Variants in SP7 observed in about 807,000 individuals in gnomAD.
SP7 encodes Sp7 transcription factor.
In SP7, 13 loss-of-function variants were observed where a neutral mutation model predicts 27.9. The observed-to-expected ratio is 0.47, with a 90% CI of 0.30 to 0.74. The LOEUF is 0.74. Ranked by LOEUF, SP7 falls within the 30% of genes least tolerant of loss-of-function variation. The pLI is 0.06. For synonymous variants in SP7, 219 were observed against 226.7 expected (o/e 0.97, Z 0.31); for missense variants, 525 against 558.0 (o/e 0.94, Z 0.60).
At chr12:53,338,788 C>T (rs1420904376), upstream of SP7, among the ~76,000 whole-genome samples, 1 of 152,220 alleles carries the variant, frequency 6.6e-6, no homozygotes, top group Non-Finnish European at 1.5e-5. Context: ...GCCTCTTCCC[C>T]ACCAGAGATC....
chr12:53,332,500 C>G (rs1944716485), intron 2 of SP7, among the ~76,000 whole-genome samples: 1 of 152,042 alleles, frequency 6.6e-6, no homozygotes, highest in African/African-American at 2.4e-5. Flanking sequence ...CTCACTTGAG[C>G]TAAGTAGTTA....
rs756868524 is a variant in SP7 at position 53,335,607 on chromosome 12, G to T, written c.21+19C>A. On this transcript the variant is annotated intron_variant, in intron 2 of 2. Coordinates refer to ENST00000536324, the MANE Select transcript of SP7 (RefSeq NM_001173467.3). ...TTAAGGTTGTGGCTGGTTTCCTGGG[G>T]GGAAGAGGGGACAGTTACCTCAAGC... The T allele has an allele frequency of 5.5e-5, 76 of 1,386,362 alleles. No homozygotes were observed. The highest frequency in any genetic ancestry group is 7.5e-5 in the Non-Finnish European group (75 of 995,858). 85.9% of individuals were successfully genotyped at this position (1,386,362 alleles called of 1,614,324 possible). A position where few individuals can be genotyped will look rare whatever the true frequency, so the allele number is the denominator to read the frequency against.
Position 53,328,210 on chromosome 12 carries a change from G to A in SP7, c.1232C>T (p.Ser411Leu), listed in dbSNP as rs775812903. Residue 411 changes from serine (S) to leucine (L), a missense_variant, in exon 3 of 3, where the codon TCG becomes TTG. Ser to Leu is a moderately radical substitution (Grantham distance 145). Coordinates refer to ENST00000536324, the MANE Select transcript of SP7 (RefSeq NM_001173467.3). The surrounding 1 kb of genome is among the most constrained non-coding windows in gnomAD (Gnocchi z 5.1). ...EASQTPRPSA[S>L]PATPEKAPGG... ...AGGGGCTTTCTCTGGGGTTGCTGGC[G>A]AGGCAGAAGGTCGGGGCGTCTGACT... 17 of 1,613,158 alleles carry A rather than the reference G, an allele frequency of 1.1e-5. No homozygotes were observed. The highest frequency in any genetic ancestry group is 8.3e-5 in the Admixed American group (5 of 59,900).
Position 53,328,036 on chromosome 12 carries a change from G to T in SP7, c.*110C>A. 8.7e-7 allele frequency: 1 copy of T among 1,146,392 alleles called. No homozygotes were observed. The highest frequency in any genetic ancestry group is 1.2e-6 in the Non-Finnish European group (1 of 830,966). The allele number at this position is 1,146,392 out of a possible 1,614,324, so 71.0% of individuals were successfully genotyped here. ...GCCAGGAGGGAGACAGAGGGAGAGA[G>T]CCCCGAAGGATGGCATGCATGGGGT... On this transcript the variant is annotated 3_prime_UTR_variant, in exon 3 of 3. Coordinates refer to ENST00000536324, the MANE Select transcript of SP7 (RefSeq NM_001173467.3). This position sits in a 1 kb window ranked among gnomAD's most constrained non-coding sequence, Gnocchi z 5.1.
chr12:53,328,585 GC>G lies in SP7; in HGVS notation c.856del (p.Ala286LeufsTer26), dbSNP rs778829850. On this transcript the variant is annotated frameshift_variant, in exon 3 of 3. Transcript: ENST00000536324. LOFTEE classifies it high-confidence loss of function. The surrounding 1 kb of genome is among the most constrained non-coding windows in gnomAD (Gnocchi z 5.1). The stretch of plus-strand genomic sequence containing the variant: ...GTGGATGGGCTTCTTCCGCAGCCCA[GC>G]CGCTGCTGCTCCCAGCCGCTCTAGC... ...QELERLGAAA[A>X]GLRKKPIHSC... 1 of 1,609,652 alleles carries G rather than the reference GC, an allele frequency of 6.2e-7. No individual in the cohort carries two copies. The highest frequency in any genetic ancestry group is 2.2e-5 in the East Asian group (1 of 44,758).
At chr12:53,343,591 G>C (rs986115792) in intron 1 of SP7, among the ~76,000 whole-genome samples, 2 of 152,188 alleles carry the variant, frequency 1.3e-5, no homozygotes, top group African/African-American at 4.8e-5. Flanking sequence ...AAAAAGTGTT[G>C]AGTTCTTAGC....
chr12:53,334,878 G>GAGGGGAAGTGGCCCAGTCCGC (rs1944748694), intron 2 of SP7, among the ~76,000 whole-genome samples: 1 of 152,248 alleles, frequency 6.6e-6, no homozygotes, highest in Non-Finnish European at 1.5e-5. Flanking sequence ...TCCCAGCCCG[G>GAGGGGAAGTGGCCCAGTCCGC]AGGGGAAGTG....
In SP7 at chr12:53,328,542, G is replaced by C. The variant is rs1944662143; in HGVS notation, c.900C>G (p.Gly300=). ...KKPIHSCHIP[G]CGKVYGKASH... ...AAGCCTTGCCATACACCTTGCCGCA[G>C]CCAGGGATGTGGCAGCTGTGGATGG... Residue 300 remains glycine, a synonymous_variant, in exon 3 of 3, where the codon GGC becomes GGG. Transcript: ENST00000536324. This position sits in a 1 kb window ranked among gnomAD's most constrained non-coding sequence, Gnocchi z 5.1. The C allele has an allele frequency of 6.2e-7, 1 of 1,612,694 alleles. No homozygotes were observed. Among genetic ancestry groups the C allele is most frequent in the South Asian group, 1.1e-5 (1 of 91,086 alleles).
intron 2 of SP7, among the ~76,000 whole-genome samples, chr12:53,333,339 TAAAAC>T (rs754330484): frequency 1.3e-5 from 2 of 152,024 alleles, no homozygotes; most frequent in African/African-American, 2.4e-5. Context: ...CCACCACCCT[TAAAAC>T]AAAACAAAAC....
Position 53,327,476 on chromosome 12 carries a change from A to G in SP7, c.*670T>C. 1 of 152,782 alleles carries G rather than the reference A, an allele frequency of 6.5e-6. No individual in the cohort carries two copies. The allele number at this position is 152,782 out of a possible 1,614,324, so 9.5% of individuals were successfully genotyped here. ...CCTGACCCGTCATCATAACTTACAT[A>G]AATAGAATTATTACTATTCATTACT... On this transcript the variant is annotated 3_prime_UTR_variant, in exon 3 of 3. Transcript: ENST00000536324.
upstream of SP7, among the ~76,000 whole-genome samples, chr12:53,340,244 T>C (rs1245557654): frequency 6.6e-6 from 1 of 152,058 alleles, no homozygotes; most frequent in Non-Finnish European, 1.5e-5. Flanking sequence ...CACACGTATC[T>C]ACACATGTGG....
upstream of SP7, among the ~76,000 whole-genome samples, chr12:53,340,563 C>T (rs1276773740): frequency 1.3e-5 from 2 of 152,156 alleles, no homozygotes; most frequent in East Asian, 3.9e-4. Context: ...CCCAGGCCCC[C>T]GCTGCTCTGC....
At position 53,329,316 on chromosome 12, in the gene SP7, T is replaced by TGG. The variant is rs1944676053; in HGVS notation, c.125_126insCC (p.Gly43GlnfsTer70). Reference sequence around the variant, plus strand: ...CCACAGAGTACGGCTTCTTTGTGCCTGCTTTGCCCAGAGTTGTTGAGTCCC... The same window carrying TGG: ...CCACAGAGTACGGCTTCTTTGTGCCTGGGCTTTGCCCAGAGTTGTTGAGTCCC... On this transcript the variant is annotated frameshift_variant, in exon 3 of 3. Transcript: ENST00000536324. LOFTEE classifies it high-confidence loss of function. 3 of 1,613,980 alleles carry TGG rather than the reference T, an allele frequency of 1.9e-6. No individual in the cohort carries two copies. In the East Asian group the frequency reaches 6.7e-5, roughly 36 times the overall value.
rs764685947 is a variant in SP7, at chr12:53,329,388, G to A, written c.54C>T (p.Ala18=). The change falls in exon 3 of 3, where the codon GCC becomes GCT. Residue 18 remains alanine, a synonymous_variant. Coordinates refer to ENST00000536324, the MANE Select transcript of SP7 (RefSeq NM_001173467.3). ...EEVHYGSSPL[A]MLTAACSKFG... ...ATTTGCTGCACGCTGCCGTCAGCATGGCCAGGGGACTGGAGCCATAGTGAA... is the reference window on the plus strand; with the variant it reads ...ATTTGCTGCACGCTGCCGTCAGCATAGCCAGGGGACTGGAGCCATAGTGAA... 3.1e-6 allele frequency: 5 copies of A among 1,614,020 alleles called. No homozygotes were observed. In the East Asian group the frequency reaches 6.7e-5, roughly 22 times the overall value.
Position 53,335,685 on chromosome 12 carries a change from T to G in SP7, c.-39A>C, listed in dbSNP as rs533886365. The G allele has an allele frequency of 6.1e-5, 67 of 1,092,428 alleles. No homozygotes were observed. The highest frequency in any genetic ancestry group is 5.8e-4 in the East Asian group (8 of 13,866). The allele number at this position is 1,092,428 out of a possible 1,614,324, so 67.7% of individuals were successfully genotyped here. A position where few individuals can be genotyped will look rare whatever the true frequency, so the allele number is the denominator to read the frequency against. ...AACGGGTCCCAAGGAGCCAGGCAGATGGAGAGAGCTGAGCCGGGGGGTGGG... is the reference window on the plus strand; with the variant it reads ...AACGGGTCCCAAGGAGCCAGGCAGAGGGAGAGAGCTGAGCCGGGGGGTGGG... On this transcript the variant is annotated 5_prime_UTR_variant, in exon 2 of 3. Transcript: ENST00000536324.
chr12:53,332,535 G>A (rs1287485137), intron 2 of SP7, among the ~76,000 whole-genome samples: 5 of 152,112 alleles, frequency 3.3e-5, no homozygotes, highest in African/African-American at 1.2e-4. Context: ...CTATGATTGT[G>A]CCACTGCACT....
chr12:53,330,551 G>A (rs1944693066), intron 2 of SP7, among the ~76,000 whole-genome samples: 1 of 152,204 alleles, frequency 6.6e-6, no homozygotes, highest in African/African-American at 2.4e-5. Context: ...ACTGGGGATA[G>A]AGACAGCAGC....
chr12:53,343,678 G>A (rs908185508), intron 1 of SP7, among the ~76,000 whole-genome samples: 3 of 152,158 alleles, frequency 2.0e-5, no homozygotes, highest in Non-Finnish European at 4.4e-5. Context: ...GGGCAAAATC[G>A]GAGGCAAGGA....
chr12:53,340,989 T>A (rs186154148), upstream of SP7, among the ~76,000 whole-genome samples: 96 of 152,236 alleles, frequency 6.3e-4, 1 homozygote, highest in Non-Finnish European at 1.0e-4. Flanking sequence ...TTTCTGACAC[T>A]AGGCTCAGGG....
Sources: allele counts gnomAD v4.1 joint callset (sites outside exome capture counted in the v4.1 genomes callset), GRCh38; gene constraint gnomAD v4.1.1; non-coding constraint Gnocchi (gnomAD v3.1); transcripts MANE v1.5; gene names NCBI Gene and HGNC (gene_info 2026-07-23, HGNC 2026-07-21).